Variants in TMEM154 observed in about 807,000 individuals in gnomAD.
TMEM154 encodes transmembrane protein 154.
TMEM154 carries 27 observed loss-of-function variants against 24.5 expected under a neutral mutation model. The ratio of observed to expected loss-of-function variants is 1.10; its 90% CI spans 0.81 to 1.52. The LOEUF (loss-of-function observed/expected upper bound fraction) is 1.52, where lower values mean the gene tolerates loss of function less well. Ranked by LOEUF, TMEM154 falls within the 40% of genes most tolerant of loss-of-function variation. The pLI is 0.00. For missense variants in TMEM154, 228 were observed against 213.4 expected, an observed-to-expected ratio of 1.07 and a Z score of -0.43; for synonymous variants, 67 against 76.8, an observed-to-expected ratio of 0.87 and a Z score of 0.67.
intron 6 of TMEM154, among the ~76,000 whole-genome samples, chr4:152,637,993 G>C (rs755321065): frequency 6.6e-6 from 1 of 152,206 alleles, no homozygotes; most frequent in African/African-American, 2.4e-5. Context: ...AGGCACAGTG[G>C]CTCACTCCTG....
chr4:152,639,568 A>ATC (rs60051091), intron 6 of TMEM154, among the ~76,000 whole-genome samples: 17,311 of 142,884 alleles, frequency 0.12, 1,331 homozygotes, highest in African/African-American at 0.23. Flanking sequence ...TTGTTAATCA[A>ATC]TCTCTCTCTC....
At chr4:152,655,095 G>A (rs1280048033) in intron 1 of TMEM154, among the ~76,000 whole-genome samples, 3 of 152,024 alleles carry the variant, frequency 2.0e-5, no homozygotes, top group Non-Finnish European at 4.4e-5. Context: ...GATGCATCTG[G>A]CAGTCACCTC....
chr4:152,628,761 T>C (rs1002352111), intron 6 of TMEM154, among the ~76,000 whole-genome samples, 200 bp from the exon 7 acceptor site: 5 of 149,958 alleles, frequency 3.3e-5, no homozygotes, highest in Non-Finnish European at 5.9e-5. Context: ...CTCAGCCTCC[T>C]GAGTAGCTGG....
chr4:152,671,015 A>C (rs1439510762), intron 1 of TMEM154, among the ~76,000 whole-genome samples: 3 of 152,208 alleles, frequency 2.0e-5, no homozygotes, highest in Non-Finnish European at 2.9e-5. Context: ...TCATGAGTAC[A>C]TGGGAGAGGA....
At chr4:152,649,643 C>A (rs1389888572) in intron 3 of TMEM154, among the ~76,000 whole-genome samples, 1 of 152,180 alleles carries the variant, frequency 6.6e-6, no homozygotes, top group Non-Finnish European at 1.5e-5. Flanking sequence ...GTGATGACCC[C>A]AAGGCCTCTA....
At chr4:152,658,442 GA>G in intron 1 of TMEM154, among the ~76,000 whole-genome samples, 1 of 152,032 alleles carries the variant, frequency 6.6e-6, no homozygotes, top group East Asian at 1.9e-4. Context: ...ATAAAGATCA[GA>G]GCAGAACTAA....
chr4:152,651,353 C>A (rs970292500), intron 3 of TMEM154, among the ~76,000 whole-genome samples: 1 of 152,158 alleles, frequency 6.6e-6, no homozygotes, highest in Non-Finnish European at 1.5e-5. Context: ...ACTGTTTCAT[C>A]TACATGGAAA....
rs1440231895 is a variant in TMEM154, at chr4:152,641,037, T to C, written c.479-52A>G. 6 of 1,558,248 alleles carry C rather than the reference T, an allele frequency of 3.9e-6. No homozygotes were observed. In the East Asian group the frequency reaches 1.1e-4, roughly 30 times the overall value. The stretch of plus-strand genomic sequence containing the variant: ...TGTTAGTTACTGAAATCGTATTTTC[T>C]ATCCACAAACCTGATACAGTTAAAT... On this transcript the variant is annotated intron_variant, in intron 5 of 6. Coordinates refer to ENST00000304385, the MANE Select transcript of TMEM154 (RefSeq NM_152680.3).
In TMEM154 at chr4:152,652,889, C is replaced by T; in HGVS notation, c.103G>A (p.Val35Met). ...EELENSGDTT[V>M]ESERPNKVTI... Reference sequence around the variant, plus strand: ...ACTTTATTTGGTCTTTCAGATTCCACAGTTGTATCTCCTGAGTTTTCTAAT... The same window carrying T: ...ACTTTATTTGGTCTTTCAGATTCCATAGTTGTATCTCCTGAGTTTTCTAAT... The change falls in exon 2 of 7, where the codon GTG (valine) becomes ATG (methionine). Residue 35 changes from valine (V) to methionine (M), a missense_variant. Physicochemically the swap from Val to Met is conservative, Grantham distance 21. Coordinates refer to ENST00000304385, the MANE Select transcript of TMEM154 (RefSeq NM_152680.3). The T allele has an allele frequency of 6.2e-7, 1 of 1,613,014 alleles. No homozygotes were observed. The highest frequency in any genetic ancestry group is 1.1e-5 in the South Asian group (1 of 90,788).
intron 6 of TMEM154, among the ~76,000 whole-genome samples, chr4:152,639,461 A>G (rs965145578): frequency 6.6e-6 from 1 of 152,232 alleles, no homozygotes; most frequent in Non-Finnish European, 1.5e-5. Context: ...GCCCTATACC[A>G]GACATATATA....
intron 1 of TMEM154, among the ~76,000 whole-genome samples, chr4:152,678,425 A>G (rs951853608): frequency 6.6e-6 from 1 of 152,024 alleles, no homozygotes. Context: ...AGTGTTGTGC[A>G]ATAGAAGAGG....
At chr4:152,638,143 G>A (rs1362184612) in intron 6 of TMEM154, among the ~76,000 whole-genome samples, 1 of 152,186 alleles carries the variant, frequency 6.6e-6, no homozygotes, top group Admixed American at 6.5e-5. Context: ...GGACAAACCT[G>A]TGGTCCCAAC....
chr4:152,672,634 A>T (rs1728870884), intron 1 of TMEM154, among the ~76,000 whole-genome samples: 1 of 152,246 alleles, frequency 6.6e-6, no homozygotes, highest in African/African-American at 2.4e-5. Context: ...TGTATTGACC[A>T]TCTTCAAAGA....
At chr4:152,646,091 G>T (rs1752367459) in intron 3 of TMEM154, among the ~76,000 whole-genome samples, 1 of 151,914 alleles carries the variant, frequency 6.6e-6, no homozygotes, top group African/African-American at 2.4e-5. Flanking sequence ...GACCCGTAAA[G>T]CTCCTCCTGT....
chr4:152,666,386 G>A (rs771258273), intron 1 of TMEM154: 4 of 152,224 alleles, frequency 2.6e-5, no homozygotes, highest in Non-Finnish European at 5.9e-5. Context: ...AATAATAACT[G>A]AGTGGACTTT....
intron 1 of TMEM154, among the ~76,000 whole-genome samples, chr4:152,665,612 A>G (rs1477758391): frequency 2.0e-5 from 3 of 152,152 alleles, no homozygotes; most frequent in Non-Finnish European, 4.4e-5. Flanking sequence ...ATATCCAGAA[A>G]ATGTTATGGC....
intron 1 of TMEM154, among the ~76,000 whole-genome samples, chr4:152,672,094 A>T (rs1206783379): frequency 2.1e-5 from 3 of 145,658 alleles, no homozygotes; most frequent in South Asian, 4.2e-4. Context: ...TCTCTATAAA[A>T]AAAAAAAAAA....
At chr4:152,637,453 G>A (rs1275512320) in intron 6 of TMEM154, among the ~76,000 whole-genome samples, 1 of 152,052 alleles carries the variant, frequency 6.6e-6, no homozygotes, top group Non-Finnish European at 1.5e-5. Flanking sequence ...GCTGAGGCAG[G>A]AGAACTGCTT....
chr4:152,656,003 G>C (rs1433197642), intron 1 of TMEM154, among the ~76,000 whole-genome samples: 1 of 152,152 alleles, frequency 6.6e-6, no homozygotes, highest in Non-Finnish European at 1.5e-5. Flanking sequence ...GCCCAGCCCA[G>C]TCTAGTCCAT....
Sources: gnomAD v4.1 joint callset for allele counts (sites outside exome capture counted in the v4.1 genomes callset) on GRCh38, gnomAD v4.1.1 for gene constraint, MANE v1.5 for transcripts, NCBI Gene and HGNC (gene_info 2026-07-23, HGNC 2026-07-21) for gene names.